SCAF4: variants seen among roughly 807,000 people sequenced by gnomAD.
SCAF4 encodes the protein SR-related CTD associated factor 4, also known as SR-related and CTD-associated factor 4.
In SCAF4, 25 loss-of-function variants were observed where a neutral mutation model predicts 129.8. That is an observed-to-expected ratio of 0.19 (90% CI 0.14 to 0.27). The LOEUF is 0.27. Ranked by LOEUF, SCAF4 falls within the 10% of genes least tolerant of loss-of-function variation. The pLI is 1.00. For missense variants in SCAF4, 1,246 were observed against 1,457.1 expected, an observed-to-expected ratio of 0.86 and a Z score of 2.36; for synonymous variants, 551 against 497.7, an observed-to-expected ratio of 1.11 and a Z score of -1.43.
At chr21:31,729,928 C>A (rs1202379726) in intron 1 of SCAF4, among the ~76,000 whole-genome samples, 1 of 152,210 alleles carries the variant, frequency 6.6e-6, no homozygotes, top group Non-Finnish European at 1.5e-5. Flanking sequence ...TTGATGTCAA[C>A]TTCCATAATG....
rs758968564 is a variant in SCAF4, at chr21:31,690,802, T to A, written c.1880A>T (p.Asn627Ile). 6.2e-7 allele frequency: 1 copy of A among 1,612,102 alleles called. No homozygotes were observed. Among genetic ancestry groups the A allele is most frequent in the Non-Finnish European group, 8.5e-7 (1 of 1,179,218 alleles). ...EGGMLDSDTL[N>I]PDWKGIPKKP... ...GAAATTAAATACTGCTTTACCTGGG[T>A]TAAGTGTGTCACTGTCCAACATTCC... Residue 627 changes from asparagine (N) to isoleucine (I), a missense_variant, in exon 15 of 20, where the codon AAC becomes ATC. Physicochemically the swap from Asn to Ile is moderately radical, Grantham distance 149. Transcript: ENST00000286835.
chr21:31,718,014 G>A (rs2050981261), intron 1 of SCAF4, among the ~76,000 whole-genome samples: 1 of 151,638 alleles, frequency 6.6e-6, no homozygotes, highest in African/African-American at 2.4e-5. Flanking sequence ...CGCGATCTCG[G>A]CTCACCACAA....
intron 19 of SCAF4, among the ~76,000 whole-genome samples, chr21:31,681,289 C>T (rs1372272250): frequency 1.3e-5 from 2 of 152,164 alleles, no homozygotes; most frequent in African/African-American, 4.8e-5. Context: ...ATGAGTTCGA[C>T]CTAGAACAGT....
chr21:31,679,126 G>A (rs2049937398), intron 19 of SCAF4, among the ~76,000 whole-genome samples: 1 of 152,170 alleles, frequency 6.6e-6, no homozygotes, highest in South Asian at 2.1e-4. Context: ...ATAAACCTAG[G>A]AGGACTTGAA....
chr21:31,685,419 G>T lies in SCAF4; in HGVS notation c.2275C>A (p.Pro759Thr), dbSNP rs750622321. ...TTACAGTTTGGGATGCTTATTGGTG[G>T]AGTGTGAGGAGGAGGAATGGATACT... ...PPVSIPPPHT[P>T]PISIPNSTIA... The change falls in exon 18 of 20, where the codon CCA becomes ACA. Residue 759 changes from proline to threonine, a missense_variant. Coordinates refer to ENST00000286835, the MANE Select transcript of SCAF4 (RefSeq NM_020706.2). 1.9e-6 allele frequency: 3 copies of T among 1,612,684 alleles called. No individual in the cohort carries two copies. The highest frequency in any genetic ancestry group is 2.2e-5 in the South Asian group (2 of 90,866).
intron 9 of SCAF4, among the ~76,000 whole-genome samples, chr21:31,695,510 C>T (rs2050363804): frequency 6.6e-6 from 1 of 152,084 alleles, no homozygotes; most frequent in South Asian, 2.1e-4. Flanking sequence ...AGTTTAAACA[C>T]AAATAAAACT....
intron 7 of SCAF4, 124 bp from the exon 8 acceptor site, chr21:31,696,874 T>C: frequency 1.3e-6 from 1 of 799,014 alleles, no homozygotes; most frequent in East Asian, 2.6e-5. Context: ...CAATCTTATT[T>C]TCCCTTATGC....
chr21:31,682,638 C>T (rs1208683431), intron 19 of SCAF4, among the ~76,000 whole-genome samples: 1 of 152,146 alleles, frequency 6.6e-6, no homozygotes, highest in South Asian at 2.1e-4. Flanking sequence ...TTTTCTCCCC[C>T]TTTAGAGATG....
chr21:31,699,273 G>A (rs1369679039), intron 7 of SCAF4, among the ~76,000 whole-genome samples: 1 of 151,776 alleles, frequency 6.6e-6, no homozygotes, highest in Non-Finnish European at 1.5e-5. Context: ...GATTCCAGAG[G>A]GACTGAACAG....
chr21:31,694,780 A>G (rs1277389678), intron 10 of SCAF4, 33 bp downstream of exon 10: 2 of 1,607,636 alleles, frequency 1.2e-6, no homozygotes, highest in African/African-American at 2.7e-5. Context: ...AGGCAACAAA[A>G]AAAGATAAAA....
In SCAF4 at chr21:31,696,148, T is replaced by C; in HGVS notation, c.1033A>G (p.Met345Val). Residue 345 changes from methionine to valine, a missense_variant, in exon 9 of 20, where the codon ATG becomes GTG. Around this residue, in one of 6 missense-constraint regions of SCAF4, gnomAD observed 236 missense variants for 210.0 expected, o/e 1.12. Coordinates refer to ENST00000286835, the MANE Select transcript of SCAF4 (RefSeq NM_020706.2). ...ATTGGATCCTGTTGTATTCCCATCA[T>C]TCGTGGCTGAAACTGATCCATATTT... Reference protein sequence around the residue: ...HQNMDQFQPRMMGIQQDPMHH... With the variant: ...HQNMDQFQPRVMGIQQDPMHH... The C allele has an allele frequency of 6.2e-7, 1 of 1,613,932 alleles. No individual in the cohort carries two copies. Among genetic ancestry groups the C allele is most frequent in the Non-Finnish European group, 8.5e-7 (1 of 1,179,868 alleles).
chr21:31,682,403 T>C (rs894611622), intron 19 of SCAF4, among the ~76,000 whole-genome samples: 1 of 152,122 alleles, frequency 6.6e-6, no homozygotes, highest in Non-Finnish European at 1.5e-5. Flanking sequence ...TTGCTTCCTC[T>C]GTCTGCCAAT....
intron 1 of SCAF4, among the ~76,000 whole-genome samples, chr21:31,709,192 G>A (rs541692170): frequency 6.6e-6 from 1 of 151,938 alleles, no homozygotes; most frequent in East Asian, 1.9e-4. Flanking sequence ...CTGTGGGGGT[G>A]GGGGGGAGCG....
chr21:31,671,687 G>A lies in SCAF4; in HGVS notation c.3156C>T (p.Arg1052=), dbSNP rs750620228. ...RHRDLEERNR[R]SSGHRDRERD... ...TCTCTCTGTCTCGATGCCCACTAGA[G>A]CGTCTATTTCTCTCTTCCAAGTCTC... is the stretch of plus-strand genomic sequence containing the variant. Residue 1052 remains arginine (R), a synonymous_variant, in exon 20 of 20, where the codon CGC becomes CGT. Coordinates refer to ENST00000286835, the MANE Select transcript of SCAF4 (RefSeq NM_020706.2). 4.3e-6 allele frequency: 7 copies of A among 1,613,724 alleles called. No homozygotes were observed. Among genetic ancestry groups the A allele is most frequent in the Non-Finnish European group, 5.9e-6 (7 of 1,179,868 alleles).
intron 1 of SCAF4, among the ~76,000 whole-genome samples, chr21:31,729,507 A>T (rs2051292932): frequency 2.0e-5 from 3 of 152,250 alleles, no homozygotes; most frequent in Admixed American, 2.0e-4. Context: ...ATGGCTGTGC[A>T]GGTGAGCAGG....
At chr21:31,689,101 T>C (rs916185102) in intron 15 of SCAF4, among the ~76,000 whole-genome samples, 3 of 152,138 alleles carry the variant, frequency 2.0e-5, no homozygotes, top group South Asian at 2.1e-4. Context: ...ATCTTCTTCT[T>C]TTTACCACTG....
At chr21:31,697,029 A>C (rs1163382063) in intron 7 of SCAF4, among the ~76,000 whole-genome samples, 1 of 152,190 alleles carries the variant, frequency 6.6e-6, no homozygotes, top group Non-Finnish European at 1.5e-5. Flanking sequence ...CAAGTAATTT[A>C]GCAGCATACA....
chr21:31,690,485 A>G (rs1267932381), intron 15 of SCAF4, among the ~76,000 whole-genome samples: 1 of 152,192 alleles, frequency 6.6e-6, no homozygotes, highest in Non-Finnish European at 1.5e-5. Flanking sequence ...CACCTCAAAA[A>G]ATAAATAAAA....
chr21:31,694,827 T>C lies in SCAF4; in HGVS notation c.1222A>G (p.Lys408Glu). Residue 408 changes from lysine to glutamate, a missense_variant, in exon 10 of 20, where the codon AAG becomes GAG. By Grantham distance (56) the Lys-to-Glu change is moderately conservative. Transcript: ENST00000286835. Reference sequence around the variant, plus strand: ...TAAAGTTTTACCTGCTGATGCGGCTTCTGTGTAAGTGGTTCATTTTGTGCC... The same window carrying C: ...TAAAGTTTTACCTGCTGATGCGGCTCCTGTGTAAGTGGTTCATTTTGTGCC... ...FQAQNEPLTQKPHQQEMEVEQ... is the reference protein window; with the variant it reads ...FQAQNEPLTQEPHQQEMEVEQ... 5.0e-6 allele frequency: 8 copies of C among 1,614,130 alleles called. No individual in the cohort carries two copies. Among genetic ancestry groups the C allele is most frequent in the Non-Finnish European group, 6.8e-6 (8 of 1,179,992 alleles).
Sources: allele counts gnomAD v4.1 joint callset (sites outside exome capture counted in the v4.1 genomes callset), GRCh38; gene constraint gnomAD v4.1.1; regional missense constraint gnomAD v4.1.1; transcripts MANE v1.5; gene names NCBI Gene and HGNC (gene_info 2026-07-23, HGNC 2026-07-21).